The following C1orf141 variants were observed in gnomAD, a reference collection of about 807,000 sequenced individuals.
C1orf141 encodes chromosome 1 open reading frame 141, also known as uncharacterized protein C1orf141.
In C1orf141, 19 loss-of-function variants were observed where a neutral mutation model predicts 23.2. That is an observed-to-expected ratio of 0.82 (90% CI 0.57 to 1.20). The LOEUF is 1.20. Among genes scored for constraint, C1orf141 ranks in the 50% most tolerant of loss-of-function variants. C1orf141 has a pLI of 0.00. For synonymous variants in C1orf141, 153 were observed against 154.6 expected, an observed-to-expected ratio of 0.99 and a Z score of 0.08; for missense variants, 469 against 455.1, an observed-to-expected ratio of 1.03 and a Z score of -0.28.
intron 4 of C1orf141, among the ~76,000 whole-genome samples, chr1:67,120,302 C>T (rs567134083): frequency 8.1e-4 from 124 of 152,290 alleles, no homozygotes; most frequent in Non-Finnish European, 1.3e-3. Context: ...TCAGGGTACT[C>T]TTACCTCAAG....
chr1:67,122,810 T>C (rs1441703137), intron 4 of C1orf141: 1 of 152,232 alleles, frequency 6.6e-6, no homozygotes, highest in Non-Finnish European at 1.5e-5. Flanking sequence ...TATTGTGCCT[T>C]ATGTTGCCAT....
rs1645730519 is a variant in C1orf141 at position 67,098,383 on chromosome 1, T to C, written c.347-2062A>G. Among the ~76,000 whole-genome samples, 3 of 152,104 alleles carry C rather than the reference T, an allele frequency of 2.0e-5. No individual in the cohort carries two copies. In the South Asian group the frequency reaches 6.2e-4, roughly 32 times the overall value. On this transcript the variant is annotated intron_variant, in intron 5 of 7. Transcript: ENST00000684719. Reference sequence around the variant, plus strand: ...TAAAAGTACAAAAATCAGCTGGGCATTGTGGCGAACGCCTTATAGTCTCAG... The same window carrying C: ...TAAAAGTACAAAAATCAGCTGGGCACTGTGGCGAACGCCTTATAGTCTCAG...
Position 67,115,362 on chromosome 1 carries a change from ACTTT to A in C1orf141, c.332_335del (p.Glu111ValfsTer21), listed in dbSNP as rs1397437717. On this transcript the variant is annotated frameshift_variant, in exon 5 of 8. Coordinates refer to ENST00000684719, the MANE Select transcript of C1orf141 (RefSeq NM_001276351.2). LOFTEE classifies it high-confidence loss of function. ...TACACAAAGCATTACCTGTTGACTCACTTTCTTTATTTTTTACATTTGTTTGAAT... is the reference window on the plus strand; with the variant it reads ...TACACAAAGCATTACCTGTTGACTCACTTTATTTTTTACATTTGTTTGAAT... 8.5e-7 allele frequency: 1 copy of A among 1,176,290 alleles called. No individual in the cohort carries two copies. The highest frequency in any genetic ancestry group is 1.3e-5 in the South Asian group (1 of 74,854). The allele number at this position is 1,176,290 out of a possible 1,614,324, so 72.9% of individuals were successfully genotyped here. A position where few individuals can be genotyped will look rare whatever the true frequency, so the allele number is the denominator to read the frequency against.
chr1:67,133,787 G>A (rs1330608430), intron 1 of C1orf141, among the ~76,000 whole-genome samples: 1 of 152,096 alleles, frequency 6.6e-6, no homozygotes, highest in Non-Finnish European at 1.5e-5. Context: ...GCCAAGGAGC[G>A]AGGCCTCTGA....
chr1:67,095,721 T>G (rs1350881213), intron 6 of C1orf141: 2 of 235,388 alleles, frequency 8.5e-6, no homozygotes, highest in African/African-American at 4.5e-5. Context: ...CAACGTCCTA[T>G]GTTGAAATTC....
intron 5 of C1orf141, among the ~76,000 whole-genome samples, chr1:67,105,620 A>T (rs1310589056): frequency 6.6e-6 from 1 of 152,018 alleles, no homozygotes; most frequent in Non-Finnish European, 1.5e-5. Context: ...AATGCTCTAG[A>T]CAAAATACAC....
intron 2 of C1orf141, among the ~76,000 whole-genome samples, chr1:67,130,094 C>T (rs4655521): frequency 0.87 from 132,693 of 152,190 alleles, 57,963 homozygotes; most frequent in East Asian, 1. Flanking sequence ...TGAAAGAGAA[C>T]ATACATTATG....
intron 7 of C1orf141, 136 bp downstream of exon 7, chr1:67,095,099 C>T: frequency 1.8e-6 from 1 of 560,314 alleles, no homozygotes; most frequent in South Asian, 2.8e-5. Flanking sequence ...AACTTAAGTG[C>T]TGTTATCACT....
intron 5 of C1orf141, among the ~76,000 whole-genome samples, chr1:67,110,782 A>G (rs149692442): frequency 7.3e-5 from 11 of 151,548 alleles, no homozygotes; most frequent in African/African-American, 2.4e-4. Context: ...AAAACATGAA[A>G]TTAAATAAAC....
chr1:67,139,632 T>A (rs558160071), upstream of C1orf141, among the ~76,000 whole-genome samples: 303 of 152,320 alleles, frequency 2.0e-3, 3 homozygotes, highest in Non-Finnish European at 2.2e-3. Context: ...TCTGCTACAG[T>A]TTGAATATTT....
rs1645582307 is a variant in C1orf141, at chr1:67,092,856, A to G, written c.*149T>C. Reference sequence around the variant, plus strand: ...AAAAATGTTGATTGTTCTTGAACAGACCACTGCTGACTTATAATTCTAATG... The same window carrying G: ...AAAAATGTTGATTGTTCTTGAACAGGCCACTGCTGACTTATAATTCTAATG... On this transcript the variant is annotated 3_prime_UTR_variant, in exon 8 of 8. Transcript: ENST00000684719. 1 of 595,232 alleles carries G rather than the reference A, an allele frequency of 1.7e-6. No individual in the cohort carries two copies. Among genetic ancestry groups the G allele is most frequent in the African/African-American group, 1.9e-5 (1 of 53,378 alleles). 36.9% of individuals were successfully genotyped at this position (595,232 alleles called of 1,614,324 possible). A position where few individuals can be genotyped will look rare whatever the true frequency, so the allele number is the denominator to read the frequency against.
chr1:67,133,755 G>A (rs973680064), intron 1 of C1orf141, among the ~76,000 whole-genome samples: 1 of 152,156 alleles, frequency 6.6e-6, no homozygotes. Context: ...AAGATTCAGT[G>A]AGAAGGCAGC....
At position 67,115,372 on chromosome 1, in the gene C1orf141, T is replaced by C; in HGVS notation, c.326A>G (p.Asn109Ser). 7.6e-7 allele frequency: 1 copy of C among 1,309,502 alleles called. No homozygotes were observed. Among genetic ancestry groups the C allele is most frequent in the South Asian group, 1.3e-5 (1 of 78,374 alleles). The allele number at this position is 1,309,502 out of a possible 1,614,324, so 81.1% of individuals were successfully genotyped here. A position where few individuals can be genotyped will look rare whatever the true frequency, so the allele number is the denominator to read the frequency against. ...ATTACCTGTTGACTCACTTTCTTTA[T>C]TTTTTACATTTGTTTGAATAAAGAA... ...RPFFIQTNVK[N>S]KESESTAQIE... The change falls in exon 5 of 8, where the codon AAT becomes AGT. Residue 109 changes from asparagine to serine, a missense_variant. Physicochemically the swap from Asn to Ser is conservative, Grantham distance 46. Coordinates refer to ENST00000684719, the MANE Select transcript of C1orf141 (RefSeq NM_001276351.2).
At chr1:67,124,373 C>T (rs1463323791) in intron 4 of C1orf141, among the ~76,000 whole-genome samples, 1 of 152,112 alleles carries the variant, frequency 6.6e-6, no homozygotes, top group Admixed American at 6.6e-5. Flanking sequence ...AGTGCAGTGG[C>T]ATGATCTCAG....
At chr1:67,113,752 G>A (rs1210479971) in intron 5 of C1orf141, 39 of 1,238,224 alleles carry the variant, frequency 3.1e-5, no homozygotes, top group Non-Finnish European at 4.0e-5. Context: ...ACTTTTAAAA[G>A]ATCACTATAT....
chr1:67,099,722 G>A (rs983978285), intron 5 of C1orf141, among the ~76,000 whole-genome samples: 3 of 152,192 alleles, frequency 2.0e-5, no homozygotes, highest in Non-Finnish European at 4.4e-5. Flanking sequence ...GTTGCAGTAA[G>A]CCAGGGTTGC....
intron 5 of C1orf141, among the ~76,000 whole-genome samples, chr1:67,101,018 A>C (rs1645785253): frequency 7.0e-6 from 1 of 142,584 alleles, no homozygotes; most frequent in African/African-American, 2.6e-5. Context: ...TCATTTTTTT[A>C]TCTCTCTCTT....
rs10688535 is a variant in C1orf141, at chr1:67,101,449, AGTGTGTGT to A, written c.347-5136_347-5129del. On this transcript the variant is annotated intron_variant, in intron 5 of 7. Coordinates refer to ENST00000684719, the MANE Select transcript of C1orf141 (RefSeq NM_001276351.2). ...TCCATTTCTTTATGTTGAATGTAAG[AGTGTGTGT>A]GTGTGTGTGTGTGTGTGTGTGTGTG... Among the ~76,000 whole-genome samples the A allele has an allele frequency of 1.0e-3, 137 of 135,380 alleles. 1 individual carries two copies. In the East Asian group the frequency reaches 0.013, roughly 13 times the overall value. The allele number at this position is 135,380 out of a possible 152,430, so 88.8% of individuals were successfully genotyped here. A position where few individuals can be genotyped will look rare whatever the true frequency, so the allele number is the denominator to read the frequency against.
chr1:67,124,674 C>T (rs547735957), intron 4 of C1orf141, among the ~76,000 whole-genome samples: 4 of 152,228 alleles, frequency 2.6e-5, no homozygotes, highest in Middle Eastern at 3.4e-3. Context: ...ATAGCTGCTG[C>T]CTGTCTAAAC....
Sources: gnomAD v4.1 joint callset for allele counts (sites outside exome capture counted in the v4.1 genomes callset) on GRCh38, gnomAD v4.1.1 for gene constraint, MANE v1.5 for transcripts, NCBI Gene and HGNC (gene_info 2026-07-23, HGNC 2026-07-21) for gene names.